Variants in GALNT17 observed in about 807,000 individuals in gnomAD.
The protein encoded by GALNT17 is UDP-GalNAc:polypeptide N-acetylgalactosaminyltransferase-like 3.
Under a neutral mutation model 63.7 loss-of-function variants are expected in GALNT17, and 29 were observed. The ratio of observed to expected loss-of-function variants is 0.46; its 90% CI spans 0.34 to 0.62. The LOEUF (loss-of-function observed/expected upper bound fraction) is 0.62. Among genes scored for constraint, GALNT17 ranks in the 20% least tolerant of loss-of-function variants. The pLI, the probability that GALNT17 is intolerant of heterozygous loss-of-function variation, is 0.01. For synonymous variants in GALNT17, 305 were observed against 318.3 expected (o/e 0.96, Z 0.45); for missense variants, 603 against 799.6 (o/e 0.75, Z 2.97).
At chr7:71,387,851 C>T (rs183263106) in intron 2 of GALNT17, among the ~76,000 whole-genome samples, 23 of 152,236 alleles carry the variant, frequency 1.5e-4, no homozygotes, top group Non-Finnish European at 3.1e-4. Context: ...TAGTGATGCT[C>T]TCTTCACCTC....
chr7:71,449,429 T>A (rs1298669438), intron 5 of GALNT17, among the ~76,000 whole-genome samples: 4 of 152,190 alleles, frequency 2.6e-5, no homozygotes, highest in Admixed American at 2.6e-4. Context: ...TTTTTTTTAA[T>A]AAGTAAGTAA....
At chr7:71,242,608 G>A (rs60746559) in intron 1 of GALNT17, among the ~76,000 whole-genome samples, 2,801 of 152,118 alleles carry the variant, frequency 0.018, 98 homozygotes, top group African/African-American at 0.064. Flanking sequence ...GGGGATGAAC[G>A]TCCAAACTGA....
intron 5 of GALNT17, among the ~76,000 whole-genome samples, chr7:71,454,625 G>A (rs1444085810): frequency 1.3e-5 from 2 of 152,058 alleles, no homozygotes; most frequent in African/African-American, 4.8e-5. Context: ...TGCTGAGTGG[G>A]GTGGCTAAAT....
intron 1 of GALNT17, among the ~76,000 whole-genome samples, chr7:71,271,872 G>A (rs1391591101): frequency 1.3e-5 from 2 of 152,110 alleles, no homozygotes; most frequent in Admixed American, 6.5e-5. Flanking sequence ...CGATCCTCCC[G>A]CCTCAGCCTC....
chr7:71,265,098 T>TTTTTTATATATATATATATA (rs144493671), intron 1 of GALNT17, among the ~76,000 whole-genome samples: 1 of 78,368 alleles, frequency 1.3e-5, no homozygotes, highest in African/African-American at 4.6e-5. Flanking sequence ...CCCATAAATA[T>TTTTTTATATATATATATATA]TATATATATA....
intron 6 of GALNT17, among the ~76,000 whole-genome samples, chr7:71,580,380 AGATAAATTGATAGATGGAT>A (rs1367689563): frequency 7.8e-6 from 1 of 128,954 alleles, no homozygotes; most frequent in Non-Finnish European, 1.8e-5. Flanking sequence ...AATAGATGAT[AGATAAATTGATAGATGGAT>A]GATAGATAGA....
intron 1 of GALNT17, among the ~76,000 whole-genome samples, chr7:71,226,192 A>C (rs891598193): frequency 6.6e-6 from 1 of 152,230 alleles, no homozygotes; most frequent in African/African-American, 2.4e-5. Flanking sequence ...AGGAACTTCA[A>C]TTTTGGAACA....
intron 8 of GALNT17, among the ~76,000 whole-genome samples, chr7:71,671,731 C>T (rs1336166279): frequency 2.0e-5 from 3 of 152,176 alleles, no homozygotes; most frequent in South Asian, 2.1e-4. Context: ...GTTCTTAGAA[C>T]GGTACCTGGC....
At chr7:71,230,244 T>C (rs183492711) in intron 1 of GALNT17, among the ~76,000 whole-genome samples, 1 of 151,626 alleles carries the variant, frequency 6.6e-6, no homozygotes, top group East Asian at 1.9e-4. Context: ...CAGAATACTT[T>C]CAGCCTCAAG....
chr7:71,286,790 G>GTTTC (rs1470074203), intron 1 of GALNT17, among the ~76,000 whole-genome samples: 1 of 150,350 alleles, frequency 6.7e-6, no homozygotes, highest in Non-Finnish European at 1.5e-5. Context: ...GTTTTTGTTT[G>GTTTC]TTTGTTTGTT....
At chr7:71,341,056 A>C (rs73181649) in intron 2 of GALNT17, among the ~76,000 whole-genome samples, 2 of 152,166 alleles carry the variant, frequency 1.3e-5, no homozygotes, top group East Asian at 3.8e-4. Flanking sequence ...AAATCATAGA[A>C]TAAAAAATAA....
intron 1 of GALNT17, among the ~76,000 whole-genome samples, chr7:71,196,827 T>C (rs898327107): frequency 6.6e-6 from 1 of 151,876 alleles, no homozygotes; most frequent in Non-Finnish European, 1.5e-5. Flanking sequence ...CTAATTTTTA[T>C]ATTTTTAGTA....
intron 5 of GALNT17, among the ~76,000 whole-genome samples, chr7:71,510,760 G>A (rs1433930490): frequency 6.6e-6 from 1 of 152,166 alleles, no homozygotes; most frequent in Non-Finnish European, 1.5e-5. Context: ...GTTATGAAAA[G>A]CCTGTCCTCA....
intron 2 of GALNT17, among the ~76,000 whole-genome samples, chr7:71,352,475 C>T (rs983461398): frequency 1.3e-5 from 2 of 152,150 alleles, no homozygotes; most frequent in Non-Finnish European, 2.9e-5. Flanking sequence ...GTGCCATTTA[C>T]TGAAGTGGTA....
chr7:71,681,856 C>T (rs1019333932), intron 9 of GALNT17, among the ~76,000 whole-genome samples: 1 of 152,166 alleles, frequency 6.6e-6, no homozygotes, highest in Non-Finnish European at 1.5e-5. Flanking sequence ...CCATGTGGCT[C>T]TAAGCAGTTA....
At chr7:71,607,579 T>C (rs1269942170) in intron 6 of GALNT17, among the ~76,000 whole-genome samples, 1 of 152,218 alleles carries the variant, frequency 6.6e-6, no homozygotes, top group Non-Finnish European at 1.5e-5. Context: ...TACTATTTGT[T>C]TGTTGTTAAT....
Position 71,711,938 on chromosome 7 carries a change from CTT to C in GALNT17, c.1669-78_1669-77del, listed in dbSNP as rs541204825. On this transcript the variant is annotated intron_variant, in intron 10 of 10. Coordinates refer to ENST00000333538, the MANE Select transcript of GALNT17 (RefSeq NM_022479.3). ...TTGTCATTTTCTCTCTCCTGTCTCT[CTT>C]TCTCCTCTCTCTATATCTCTCGCTG... 1.2e-5 allele frequency: 18 copies of C among 1,490,470 alleles called. No homozygotes were observed. The East Asian group carries it at 3.9e-4, about 33-fold the overall frequency. The allele number at this position is 1,490,470 out of a possible 1,614,324, so 92.3% of individuals were successfully genotyped here. A position where few individuals can be genotyped will look rare whatever the true frequency, so the allele number is the denominator to read the frequency against.
intron 5 of GALNT17, among the ~76,000 whole-genome samples, chr7:71,535,824 G>T (rs2116792413): frequency 6.6e-6 from 1 of 152,284 alleles, no homozygotes; most frequent in African/African-American, 2.4e-5. Context: ...GAGTCACTTG[G>T]CAATTTGACT....
chr7:71,410,041 A>G (rs1410255464), intron 3 of GALNT17, among the ~76,000 whole-genome samples: 2 of 152,192 alleles, frequency 1.3e-5, no homozygotes, highest in African/African-American at 4.8e-5. Flanking sequence ...AATATCTCAA[A>G]GGGAAAACTT....
Sources: gnomAD v4.1 joint callset for allele counts (sites outside exome capture counted in the v4.1 genomes callset) on GRCh38, gnomAD v4.1.1 for gene constraint, MANE v1.5 for transcripts, NCBI Gene and HGNC (gene_info 2026-07-23, HGNC 2026-07-21) for gene names.